Variants in NHSL1 observed in about 807,000 individuals in gnomAD.
The protein encoded by NHSL1 is NHS like 1.
NHSL1 carries 48 observed loss-of-function variants against 95.0 expected under a neutral mutation model. The ratio of observed to expected loss-of-function variants is 0.51; its 90% CI spans 0.40 to 0.64. NHSL1 has a LOEUF of 0.64. NHSL1 is among the 30% of genes least tolerant of loss of function. The pLI is 0.00. For synonymous variants in NHSL1, 783 were observed against 833.9 expected (o/e 0.94, Z 1.05); for missense variants, 1,971 against 2,077.7 (o/e 0.95, Z 1.00).
In NHSL1 at chr6:138,646,280, T is replaced by C. The variant is rs373618026; in HGVS notation, c.96+46196A>G. Among the ~76,000 whole-genome samples the C allele has an allele frequency of 1.4e-4, 22 of 152,324 alleles. No individual in the cohort carries two copies. In the East Asian group the frequency reaches 3.7e-3, roughly 25 times the overall value. On this transcript the variant is annotated intron_variant, in intron 1 of 3. Transcript: ENST00000491526. ...AAGAAAATTAAATACACCAATATTT[T>C]TAACCCCTAACTCCAAAGAACCTGT... is the stretch of plus-strand genomic sequence containing the variant.
At chr6:138,524,820 T>G (rs1192245752) in intron 1 of NHSL1, among the ~76,000 whole-genome samples, 1 of 152,112 alleles carries the variant, frequency 6.6e-6, no homozygotes, top group Non-Finnish European at 1.5e-5. Flanking sequence ...CCCTAGCAAA[T>G]GGGCACACAA....
chr6:138,431,445 T>G lies in NHSL1; in HGVS notation c.2900A>C (p.His967Pro), dbSNP rs1414449632. The part of the protein sequence containing the change: ...TDCSQGSPLP[H>P]SPVFPPPPPE... ...CGGCGGAGGGGGGAACACAGGAGAG[T>G]GAGGCAGAGGAGAGCCCTGGGAGCA... Residue 967 changes from histidine to proline, a missense_variant, in exon 6 of 8, where the codon CAC becomes CCC. His to Pro is a moderately conservative substitution (Grantham distance 77, BLOSUM62 -2). Around this residue, in one of 3 missense-constraint regions of NHSL1, gnomAD observed 1,602 missense variants for 1,654.5 expected, o/e 0.97. Transcript: ENST00000343505. This position sits in a 1 kb window ranked among gnomAD's most constrained non-coding sequence, Gnocchi z 4.0. The G allele has an allele frequency of 1.3e-6, 2 of 1,540,802 alleles. No homozygotes were observed. Among genetic ancestry groups the G allele is most frequent in the African/African-American group, 2.9e-5 (2 of 69,050 alleles).
intron 1 of NHSL1, among the ~76,000 whole-genome samples, chr6:138,600,255 A>G (rs1029617752): frequency 9.2e-5 from 14 of 151,974 alleles, no homozygotes; most frequent in African/African-American, 3.1e-4. Context: ...TCTTTTCGAG[A>G]CCAGTTCTCA....
At chr6:138,468,863 G>A (rs1479708709) in intron 3 of NHSL1, among the ~76,000 whole-genome samples, 1 of 152,146 alleles carries the variant, frequency 6.6e-6, no homozygotes, top group Non-Finnish European at 1.5e-5. Context: ...TTTGCTCTTA[G>A]TGCCTCCCCG....
chr6:138,483,375 A>G (rs1779539405), intron 2 of NHSL1, among the ~76,000 whole-genome samples: 1 of 152,254 alleles, frequency 6.6e-6, no homozygotes, highest in African/African-American at 2.4e-5. Context: ...TTTAGCTGAT[A>G]TGGTACAGAT....
chr6:138,507,911 A>G (rs1781040239), intron 1 of NHSL1, among the ~76,000 whole-genome samples: 1 of 152,230 alleles, frequency 6.6e-6, no homozygotes, highest in African/African-American at 2.4e-5. Flanking sequence ...ATGATAATGT[A>G]TCAATTCTTT....
intron 1 of NHSL1, among the ~76,000 whole-genome samples, chr6:138,562,652 ACT>A (rs1783457199): frequency 6.6e-6 from 1 of 152,024 alleles, no homozygotes; most frequent in African/African-American, 2.4e-5. Context: ...ACAGAGTAAG[ACT>A]CTGTCTCACA....
intron 2 of NHSL1, among the ~76,000 whole-genome samples, chr6:138,477,040 T>A (rs1779121967): frequency 6.6e-6 from 1 of 151,896 alleles, no homozygotes; most frequent in Non-Finnish European, 1.5e-5. Context: ...ACTTAATTTA[T>A]TAACTTATGC....
At chr6:138,492,840 A>G (rs988002105) in intron 2 of NHSL1, among the ~76,000 whole-genome samples, 2 of 152,230 alleles carry the variant, frequency 1.3e-5, no homozygotes, top group Non-Finnish European at 2.9e-5. Flanking sequence ...TTATGGACAC[A>G]GTAAGAATAG....
In NHSL1 at chr6:138,678,304, T is replaced by A. The variant is rs112092405; in HGVS notation, c.96+14172A>T. On this transcript the variant is annotated intron_variant, in intron 1 of 3. Transcript: ENST00000491526. ...TGTCTGGCAAAAGAGGCCAGAATGA[T>A]AGGCAACACTAACAAAAAGACTTTG... is the stretch of plus-strand genomic sequence containing the variant. Among the ~76,000 whole-genome samples, 303 of 152,332 alleles carry A rather than the reference T, an allele frequency of 2.0e-3. 1 individual carries two copies. The highest frequency in any genetic ancestry group is 7.0e-3 in the African/African-American group (293 of 41,574).
upstream of NHSL1, among the ~76,000 whole-genome samples, chr6:138,503,757 G>A (rs182848987): frequency 3.7e-3 from 566 of 152,240 alleles, 7 homozygotes; most frequent in Admixed American, 0.027. Flanking sequence ...TCTGCCCTCA[G>A]TTCCATTTGC....
chr6:138,660,766 G>A (rs1313040596), intron 1 of NHSL1, among the ~76,000 whole-genome samples: 4 of 151,550 alleles, frequency 2.6e-5, no homozygotes, highest in African/African-American at 9.7e-5. Flanking sequence ...GACCAGCCTG[G>A]GCAACATGGT....
At chr6:138,475,057 G>A (rs1207547545) in intron 2 of NHSL1, among the ~76,000 whole-genome samples, 2 of 151,606 alleles carry the variant, frequency 1.3e-5, no homozygotes, top group Non-Finnish European at 2.9e-5. Flanking sequence ...GTTGAGGCAG[G>A]AGAATCGCTT....
rs11961832 is a variant in NHSL1 at position 138,437,329 on chromosome 6, C to T, written c.665-3649G>A. Among the ~76,000 whole-genome samples, 906 of 100,896 alleles carry T rather than the reference C, an allele frequency of 9.0e-3. 43 individuals are homozygous for T. Among genetic ancestry groups the T allele is most frequent in the African/African-American group, 0.022 (512 of 22,842 alleles). The allele number at this position is 100,896 out of a possible 152,430, so 66.2% of individuals were successfully genotyped here. A position where few individuals can be genotyped will look rare whatever the true frequency, so the allele number is the denominator to read the frequency against. On this transcript the variant is annotated intron_variant, in intron 5 of 7. Transcript: ENST00000343505. ...ATATATATATATATATACACACACA[C>T]ATATATATATATACACATATATATA...
At chr6:138,461,619 C>T (rs781596737) in intron 3 of NHSL1, among the ~76,000 whole-genome samples, 2 of 152,160 alleles carry the variant, frequency 1.3e-5, no homozygotes, top group South Asian at 4.2e-4. Context: ...GTAGACTTAA[C>T]AAGAGTAGTT....
chr6:138,512,834 T>C (rs1006644796), intron 1 of NHSL1, among the ~76,000 whole-genome samples: 2 of 152,214 alleles, frequency 1.3e-5, no homozygotes, highest in Admixed American at 1.3e-4. Context: ...ATTCCCACAG[T>C]GATCAAAGGA....
rs368577406 is a variant in NHSL1 at position 138,582,555 on chromosome 6, A to G, written c.97-86184T>C. Among the ~76,000 whole-genome samples, 272 of 152,316 alleles carry G rather than the reference A, an allele frequency of 1.8e-3. 1 individual carries two copies. Among genetic ancestry groups the G allele is most frequent in the African/African-American group, 6.4e-3 (266 of 41,572 alleles). On this transcript the variant is annotated intron_variant, in intron 1 of 3. Coordinates refer to the NHSL1 transcript ENST00000491526. ...TGATAGGTGAAGATACTGAGGAAGA[A>G]TGTGATGAAGTATCTCACCTAAGGT...
rs373601646 is a variant in NHSL1 at position 138,658,324 on chromosome 6, T to C, written c.96+34152A>G. 9.2e-5 allele frequency among the ~76,000 whole-genome samples: 14 copies of C among 152,318 alleles called. No homozygotes were observed. In the East Asian group the frequency reaches 1.5e-3, roughly 17 times the overall value. ...TTCCTCCTGCATAACTGAAACTGTA[T>C]ACCCTTTGACCAACATCTCCTGTTT... On this transcript the variant is annotated intron_variant, in intron 1 of 3. Coordinates refer to the NHSL1 transcript ENST00000491526.
intron 1 of NHSL1, among the ~76,000 whole-genome samples, chr6:138,541,279 A>G (rs776795263): frequency 2.0e-5 from 3 of 152,174 alleles, no homozygotes; most frequent in Non-Finnish European, 4.4e-5. Context: ...AGGCAAGAGA[A>G]TCACTTGAAC....
Sources: gnomAD v4.1 joint callset for allele counts (sites outside exome capture counted in the v4.1 genomes callset) on GRCh38, gnomAD v4.1.1 for gene constraint, gnomAD v4.1.1 regional missense constraint, Gnocchi (gnomAD v3.1) non-coding constraint, MANE v1.5 for transcripts, NCBI Gene and HGNC (gene_info 2026-07-23, HGNC 2026-07-21) for gene names.